The following CNOT7 variants were observed in gnomAD, a reference collection of about 807,000 sequenced individuals.
CNOT7 encodes the protein CCR4-NOT transcription complex subunit 7.
CNOT7 carries 4 observed loss-of-function variants against 37.1 expected under a neutral mutation model. The ratio of observed to expected loss-of-function variants is 0.11; its 90% CI spans 0.05 to 0.25. CNOT7 has a LOEUF of 0.25. Ranked by LOEUF, CNOT7 falls within the 10% of genes least tolerant of loss-of-function variation. CNOT7 has a pLI of 1.00. For missense variants in CNOT7, 170 were observed against 336.2 expected (o/e 0.51, Z 3.87); for synonymous variants, 128 against 115.6 (o/e 1.11, Z -0.69).
Position 17,229,432 on chromosome 8 carries a change from ACACATTATAACTTGTAGTC to A in CNOT7, c.*1269_*1287del, listed in dbSNP as rs1808365926. 1 of 152,342 alleles carries A rather than the reference ACACATTATAACTTGTAGTC, an allele frequency of 6.6e-6. No individual in the cohort carries two copies. Among genetic ancestry groups the A allele is most frequent in the Non-Finnish European group, 1.5e-5 (1 of 67,846 alleles). 9.4% of individuals were successfully genotyped at this position (152,342 alleles called of 1,614,324 possible). On this transcript the variant is annotated 3_prime_UTR_variant, in exon 7 of 7. Coordinates refer to ENST00000361272, the MANE Select transcript of CNOT7 (RefSeq NM_013354.7). Reference sequence around the variant, plus strand: ...TATTACTGATTGAAGTGTAGGTAACACACATTATAACTTGTAGTCCATCATTTCGGGGTAGAGTTAATGA... The same window carrying A: ...TATTACTGATTGAAGTGTAGGTAACACATCATTTCGGGGTAGAGTTAATGA...
intron 6 of CNOT7, among the ~76,000 whole-genome samples, chr8:17,231,097 C>A (rs1232948495): frequency 6.6e-6 from 1 of 151,998 alleles, no homozygotes; most frequent in South Asian, 2.1e-4. Flanking sequence ...TCCATTTAGA[C>A]CATTTTTATA....
intron 1 of CNOT7, among the ~76,000 whole-genome samples, chr8:17,245,515 ATTAT>A (rs1213224625): frequency 1.3e-5 from 2 of 152,186 alleles, no homozygotes; most frequent in Admixed American, 6.5e-5. Flanking sequence ...CTTTCCACTA[ATTAT>A]TTATCTGAGT....
At position 17,228,905 on chromosome 8, in the gene CNOT7, C is replaced by G. The variant is rs952872132; in HGVS notation, c.*1815G>C. ...GAAGACAAAAGAAGCCAGTTAGAAA[C>G]TTACTACATTGTGTTAGATTTTTTA... On this transcript the variant is annotated 3_prime_UTR_variant, in exon 7 of 7. Transcript: ENST00000361272. 2.0e-5 allele frequency: 3 copies of G among 151,946 alleles called. No homozygotes were observed. The highest frequency in any genetic ancestry group is 7.2e-5 in the African/African-American group (3 of 41,436). 9.4% of individuals were successfully genotyped at this position (151,946 alleles called of 1,614,324 possible).
chr8:17,232,398 C>G, intron 6 of CNOT7, 29 bp downstream of exon 6: 2 of 1,613,124 alleles, frequency 1.2e-6, no homozygotes, highest in Non-Finnish European at 1.7e-6. Flanking sequence ...TAACAACCAA[C>G]TGAGAAAAAG....
chr8:17,237,016 G>A (rs1403450017), intron 4 of CNOT7, among the ~76,000 whole-genome samples, 196 bp downstream of exon 4: 2 of 152,092 alleles, frequency 1.3e-5, no homozygotes, highest in Non-Finnish European at 2.9e-5. Context: ...GCTTCTCACA[G>A]GCAAAAATGG....
rs755062467 is a variant in CNOT7 at position 17,230,726 on chromosome 8, C to T, written c.852G>A (p.Gln284=). The change falls in exon 7 of 7, where the codon CAG becomes CAA. Residue 284 remains glutamine (Q), a synonymous_variant. Transcript: ENST00000361272. ...GNAYEEEANK[Q]S is the part of the protein sequence containing the mutation. ...ATAAAAGGACTATTTCATGTCATGACTGCTTGTTGGCTTCCTCTTCATATG... is the reference window on the plus strand; with the variant it reads ...ATAAAAGGACTATTTCATGTCATGATTGCTTGTTGGCTTCCTCTTCATATG... 19 of 1,599,460 alleles carry T rather than the reference C, an allele frequency of 1.2e-5. No homozygotes were observed. In the Admixed American group the frequency reaches 3.1e-4, roughly 26 times the overall value.
chr8:17,237,995 TA>T (rs1809613390), intron 3 of CNOT7, among the ~76,000 whole-genome samples: 1 of 152,228 alleles, frequency 6.6e-6, no homozygotes, highest in Non-Finnish European at 1.5e-5. Context: ...ATCCTATTCC[TA>T]AAAGACTGCC....
At chr8:17,237,115 A>C in intron 4 of CNOT7, 97 bp downstream of exon 4, 2 of 1,222,870 alleles carry the variant, frequency 1.6e-6, no homozygotes, top group Non-Finnish European at 2.3e-6. Context: ...AACTCTTTCC[A>C]GAATTAAACC....
intron 2 of CNOT7, chr8:17,244,519 A>G (rs1810626600): frequency 6.6e-6 from 1 of 152,502 alleles, no homozygotes; most frequent in African/African-American, 2.4e-5. Context: ...TCAACCTCAA[A>G]TAAGGCCACT....
chr8:17,243,443 C>G, intron 2 of CNOT7: 2 of 602,260 alleles, frequency 3.3e-6, no homozygotes, highest in Admixed American at 4.3e-5. Flanking sequence ...AATACTTACT[C>G]TATAACCAAG....
Position 17,228,684 on chromosome 8 carries a change from CTA to C in CNOT7, c.*2034_*2035del. The C allele has an allele frequency of 6.6e-6, 1 of 151,918 alleles. No homozygotes were observed. The allele number at this position is 151,918 out of a possible 1,614,324, so 9.4% of individuals were successfully genotyped here. On this transcript the variant is annotated 3_prime_UTR_variant, in exon 7 of 7. Transcript: ENST00000361272. ...AAGTCGAAAGTAAGTTAGGGATTAT[CTA>C]TACTTTTTAGGGACAGAAGCCAGAA...
At position 17,232,098 on chromosome 8, in the gene CNOT7, T is replaced by C. The variant is rs899844678; in HGVS notation, c.729+329A>G. 46 of 999,512 alleles carry C rather than the reference T, an allele frequency of 4.6e-5. 1 individual carries two copies. The South Asian group carries it at 1.2e-3, about 27-fold the overall frequency. The allele number at this position is 999,512 out of a possible 1,614,324, so 61.9% of individuals were successfully genotyped here. ...GGGAGTCAGAAAAGAACTCTGGAGT[T>C]CTCCCACTAGTAATGTGTTTAATCA... On this transcript the variant is annotated intron_variant, in intron 6 of 6. Transcript: ENST00000361272.
At chr8:17,237,456 G>C (rs1809531196) in intron 3 of CNOT7, 83 bp from the exon 4 acceptor site, 1 of 1,310,906 alleles carries the variant, frequency 7.6e-7, no homozygotes, top group Non-Finnish European at 1.1e-6. Flanking sequence ...TATAACTACA[G>C]TGCCAGAAAA....
rs1380381991 is a variant in CNOT7 at position 17,228,154 on chromosome 8, G to A, written c.*2566C>T. On this transcript the variant is annotated 3_prime_UTR_variant, in exon 7 of 7. Coordinates refer to ENST00000361272, the MANE Select transcript of CNOT7 (RefSeq NM_013354.7). ...GATTATTTTTCCCAACCATTTAAAA[G>A]CCATTTTCAGTTCATGGGCCACACA... 6.6e-6 allele frequency: 1 copy of A among 151,736 alleles called. No individual in the cohort carries two copies. The highest frequency in any genetic ancestry group is 1.9e-4 in the East Asian group (1 of 5,192). 9.4% of individuals were successfully genotyped at this position (151,736 alleles called of 1,614,324 possible). A position where few individuals can be genotyped will look rare whatever the true frequency, so the allele number is the denominator to read the frequency against.
At chr8:17,232,166 T>C (rs1808725592) in intron 6 of CNOT7, 2 of 1,187,326 alleles carry the variant, frequency 1.7e-6, no homozygotes, top group Non-Finnish European at 2.1e-6. Context: ...AATAATATGG[T>C]TGGACCTACA....
Position 17,237,184 on chromosome 8 carries a change from A to G in CNOT7, c.473+28T>C, listed in dbSNP as rs773555173. ...GGAGCAAGTATGAGATGGAAAAACAAATGCCATTTTCAATGTAGTCGTTTT... is the reference window on the plus strand; with the variant it reads ...GGAGCAAGTATGAGATGGAAAAACAGATGCCATTTTCAATGTAGTCGTTTT... On this transcript the variant is annotated intron_variant, in intron 4 of 6. Transcript: ENST00000361272. The G allele has an allele frequency of 3.1e-6, 5 of 1,608,528 alleles. No individual in the cohort carries two copies. In the Admixed American group the frequency reaches 5.0e-5, roughly 16 times the overall value.
At chr8:17,238,359 T>C (rs899182305) in intron 3 of CNOT7, among the ~76,000 whole-genome samples, 3 of 150,656 alleles carry the variant, frequency 2.0e-5, no homozygotes, top group Admixed American at 2.0e-4. Flanking sequence ...GTTAGTCCTT[T>C]AGAAATCAAT....
intron 3 of CNOT7, among the ~76,000 whole-genome samples, chr8:17,239,014 G>T (rs1490366881): frequency 6.6e-6 from 1 of 152,078 alleles, no homozygotes; most frequent in Non-Finnish European, 1.5e-5. Context: ...ACACAAATAT[G>T]TCTGTGTATT....
Position 17,229,045 on chromosome 8 carries a change from A to G in CNOT7, c.*1675T>C, listed in dbSNP as rs1245007224. 6.6e-6 allele frequency: 1 copy of G among 151,996 alleles called. No individual in the cohort carries two copies. The highest frequency in any genetic ancestry group is 1.9e-4 in the East Asian group (1 of 5,192). 9.4% of individuals were successfully genotyped at this position (151,996 alleles called of 1,614,324 possible). On this transcript the variant is annotated 3_prime_UTR_variant, in exon 7 of 7. Transcript: ENST00000361272. Reference sequence around the variant, plus strand: ...CCTTAATTAGCTAGTTGAGGTACTCATAAAGAACAAGAATAAGCCAACACT... The same window carrying G: ...CCTTAATTAGCTAGTTGAGGTACTCGTAAAGAACAAGAATAAGCCAACACT...
Sources: allele counts gnomAD v4.1 joint callset (sites outside exome capture counted in the v4.1 genomes callset), GRCh38; gene constraint gnomAD v4.1.1; transcripts MANE v1.5; gene names NCBI Gene and HGNC (gene_info 2026-07-23, HGNC 2026-07-21).